The following DMBT1 variants were observed in gnomAD, a reference collection of about 807,000 sequenced individuals.
The protein encoded by DMBT1 is deleted in malignant brain tumors 1.
DMBT1 carries 198 observed loss-of-function variants against 252.9 expected under a neutral mutation model. The ratio of observed to expected loss-of-function variants is 0.78; its 90% CI spans 0.70 to 0.88. The LOEUF (loss-of-function observed/expected upper bound fraction) is 0.88. DMBT1 is among the 40% of genes least tolerant of loss of function. The pLI is 0.00. For missense variants in DMBT1, 2,432 were observed against 2,404.7 expected, an observed-to-expected ratio of 1.01 and a Z score of -0.24; for synonymous variants, 990 against 942.7, an observed-to-expected ratio of 1.05 and a Z score of -0.92.
chr10:122,632,671 TC>T (rs1462451768), intron 50 of DMBT1, among the ~76,000 whole-genome samples, 189 bp from the exon 51 acceptor site: 1 of 152,058 alleles, frequency 6.6e-6, no homozygotes, highest in East Asian at 1.9e-4. Context: ...CTCATCCTTT[TC>T]CCAGTGTGCT....
At chr10:122,597,931 C>T (rs1318350345) in intron 24 of DMBT1, 43 bp from the exon 25 acceptor site, 1 of 1,613,620 alleles carries the variant, frequency 6.2e-7, no homozygotes, top group Non-Finnish European at 8.5e-7. Flanking sequence ...GAGATTTTCA[C>T]CATCAACTTT....
intron 20 of DMBT1, 141 bp from the exon 21 acceptor site, chr10:122,593,428 T>G (rs1008915708): frequency 1.2e-5 from 13 of 1,057,158 alleles, no homozygotes; most frequent in Non-Finnish European, 1.7e-5. Context: ...TGTGGGGATG[T>G]GCATGGCAAT....
intron 10 of DMBT1, among the ~76,000 whole-genome samples, chr10:122,580,244 G>T (rs1328528311): frequency 6.6e-6 from 1 of 152,194 alleles, no homozygotes; most frequent in Non-Finnish European, 1.5e-5. Flanking sequence ...GCAAGGCAGG[G>T]GAGGGATCCC....
At chr10:122,623,000 G>T (rs2098085115) in intron 44 of DMBT1, among the ~76,000 whole-genome samples, 1 of 151,974 alleles carries the variant, frequency 6.6e-6, no homozygotes, top group African/African-American at 2.4e-5. Context: ...TCTCTATCTA[G>T]TTCCAGGACT....
intron 54 of DMBT1, among the ~76,000 whole-genome samples, chr10:122,637,902 T>G (rs552379699): frequency 2.6e-4 from 39 of 152,290 alleles, no homozygotes; most frequent in African/African-American, 8.9e-4. Flanking sequence ...CATCCAATTT[T>G]GGGTGAAAGT....
At chr10:122,569,131 G>A (rs1160475787) in intron 2 of DMBT1, among the ~76,000 whole-genome samples, 2 of 90,746 alleles carry the variant, frequency 2.2e-5, no homozygotes, top group African/African-American at 7.5e-5. Context: ...GTGGAGGCAG[G>A]CTTCAGTCTC....
chr10:122,641,438 A>G (rs1424175597), intron 55 of DMBT1, among the ~76,000 whole-genome samples: 1 of 152,168 alleles, frequency 6.6e-6, no homozygotes, highest in Non-Finnish European at 1.5e-5. Context: ...GGGCAGATTC[A>G]ATTCGACACC....
chr10:122,630,609 T>A (rs1374875223), intron 48 of DMBT1, 119 bp downstream of exon 48: 1 of 1,094,320 alleles, frequency 9.1e-7, no homozygotes, highest in Non-Finnish European at 1.3e-6. Context: ...CGGCCCATTC[T>A]CTTTCTCTTG....
intron 1 of DMBT1, among the ~76,000 whole-genome samples, chr10:122,565,206 G>T (rs1049819342): frequency 1.3e-5 from 2 of 152,162 alleles, no homozygotes; most frequent in African/African-American, 2.4e-5. Flanking sequence ...ATAGTGAAAT[G>T]CTTCAAGACA....
intron 46 of DMBT1, among the ~76,000 whole-genome samples, chr10:122,626,524 T>C (rs1343946603): frequency 6.6e-6 from 1 of 152,262 alleles, no homozygotes; most frequent in Non-Finnish European, 1.5e-5. Context: ...TCCTTTAGGA[T>C]ATAAATGGGT....
chr10:122,630,621 C>T, intron 48 of DMBT1, 131 bp downstream of exon 48: 2 of 1,022,400 alleles, frequency 2.0e-6, no homozygotes, highest in Middle Eastern at 2.5e-4. Flanking sequence ...TTTCTCTTGG[C>T]ACTGACTGTG....
In DMBT1 at chr10:122,580,925, T is replaced by C. The variant is rs371621831; in HGVS notation, c.1033+30T>C. ...GTCCCCAGTGTCCTTCCTCAAAATGTCCCTTCTCTTTCTGCCCAATCACCC... is the reference window on the plus strand; with the variant it reads ...GTCCCCAGTGTCCTTCCTCAAAATGCCCCTTCTCTTTCTGCCCAATCACCC... On this transcript the variant is annotated intron_variant, in intron 11 of 55. Transcript: ENST00000338354. 5.9e-5 allele frequency: 95 copies of C among 1,613,070 alleles called. No individual in the cohort carries two copies. In the African/African-American group the frequency reaches 1.2e-3, roughly 20 times the overall value.
In DMBT1 at chr10:122,629,975, T is replaced by C. The variant is rs1455780920; in HGVS notation, c.5804T>C (p.Leu1935Pro). The C allele has an allele frequency of 6.2e-7, 1 of 1,613,994 alleles. No homozygotes were observed. Among genetic ancestry groups the C allele is most frequent in the Non-Finnish European group, 8.5e-7 (1 of 1,179,892 alleles). ...GTGAATTCTGGTTATCGCATAAACC[T>C]GGGCTTCAGTAATCTGAAGTAAGTA... Reference protein sequence around the residue: ...IEVNSGYRINLGFSNLKLEAH... With the variant: ...IEVNSGYRINPGFSNLKLEAH... Residue 1935 changes from leucine to proline, a missense_variant, in exon 47 of 56, where the codon CTG becomes CCG. Around this residue, in one of 3 missense-constraint regions of DMBT1, gnomAD observed 1,162 missense variants for 1,169.0 expected, o/e 0.99. Transcript: ENST00000338354.
chr10:122,635,922 C>G (rs913183055), intron 52 of DMBT1, 69 bp from the exon 53 acceptor site: 1 of 1,556,790 alleles, frequency 6.4e-7, no homozygotes. Context: ...TGACCCCACC[C>G]TGAGATCTGA....
Position 122,630,426 on chromosome 10 carries a change from C to T in DMBT1, c.5961C>T (p.His1987=). The T allele has an allele frequency of 6.2e-7, 1 of 1,613,998 alleles. No individual in the cohort carries two copies. The highest frequency in any genetic ancestry group is 8.5e-7 in the Non-Finnish European group (1 of 1,179,902). The change falls in exon 48 of 56, where the codon CAC becomes CAT. Residue 1987 remains histidine, a synonymous_variant. Coordinates refer to ENST00000338354, the MANE Select transcript of DMBT1 (RefSeq NM_001377530.1). ...CTTCTTACAACCGAATGACCATTCA[C>T]TTTCGAAGTGACATCAGTTTCCAAA... ...FTSSYNRMTI[H]FRSDISFQNT...
At chr10:122,561,242 T>C (rs2097543117) in intron 1 of DMBT1, among the ~76,000 whole-genome samples, 1 of 152,372 alleles carries the variant, frequency 6.6e-6, no homozygotes, top group Middle Eastern at 3.4e-3. Flanking sequence ...ATGCCCTTTA[T>C]GTGGCTTCTT....
chr10:122,619,278 T>C, intron 41 of DMBT1, 30 bp from the exon 42 acceptor site: 1 of 1,613,914 alleles, frequency 6.2e-7, no homozygotes, highest in Admixed American at 1.7e-5. Context: ...ATAGTGCATC[T>C]GATCTGACCT....
At position 122,632,855 on chromosome 10, in the gene DMBT1, C is replaced by T; in HGVS notation, c.6368-6C>T. 3 of 1,613,692 alleles carry T rather than the reference C, an allele frequency of 1.9e-6. No individual in the cohort carries two copies. The highest frequency in any genetic ancestry group is 2.5e-6 in the Non-Finnish European group (3 of 1,179,800). On this transcript the variant is annotated splice_polypyrimidine_tract_variant and splice_region_variant and intron_variant, in intron 50 of 55. Transcript: ENST00000338354. ...ACTGATCCTGATCTTTTCTTTTTGT[C>T]AACAGCTCCTTTTCTCAACATCACC...
At chr10:122,636,273 T>A in intron 53 of DMBT1, 74 bp downstream of exon 53, 1 of 1,343,724 alleles carries the variant, frequency 7.4e-7, no homozygotes, top group Non-Finnish European at 1.0e-6. Flanking sequence ...ACTGTCCTGT[T>A]GTTGTGAAAT....
Sources: gnomAD v4.1 joint callset for allele counts (sites outside exome capture counted in the v4.1 genomes callset) on GRCh38, gnomAD v4.1.1 for gene constraint, gnomAD v4.1.1 regional missense constraint, MANE v1.5 for transcripts, NCBI Gene and HGNC (gene_info 2026-07-23, HGNC 2026-07-21) for gene names.